PGPEP1L: variants seen among roughly 807,000 people sequenced by gnomAD.
The protein encoded by PGPEP1L is pyroglutamyl-peptidase 1-like protein.
A neutral mutation model predicts 6.0 loss-of-function variants in PGPEP1L; 7 were observed. The observed-to-expected ratio is 1.17, with a 90% CI of 0.66 to 2.19. PGPEP1L has a LOEUF of 2.19. Among genes scored for constraint, PGPEP1L ranks in the 30% most tolerant of loss-of-function variants. The pLI is 0.00. For missense variants in PGPEP1L, 209 were observed against 192.5 expected (o/e 1.09, Z -0.51); for synonymous variants, 103 against 83.9 (o/e 1.23, Z -1.24).
chr15:98,977,200 G>T (rs1006232545), intron 2 of PGPEP1L, among the ~76,000 whole-genome samples: 1 of 151,784 alleles, frequency 6.6e-6, no homozygotes, highest in African/African-American at 2.4e-5. Context: ...TTTGGGTTTT[G>T]GTTTGATTTC....
chr15:98,994,702 T>C (rs782532334), intron 2 of PGPEP1L, among the ~76,000 whole-genome samples: 2 of 152,236 alleles, frequency 1.3e-5, no homozygotes, highest in African/African-American at 2.4e-5. Flanking sequence ...CTTTCTCAGA[T>C]CATTTTCCTT....
intron 2 of PGPEP1L, among the ~76,000 whole-genome samples, chr15:99,000,666 T>A (rs782007640): frequency 1.1e-4 from 16 of 152,256 alleles, no homozygotes; most frequent in Non-Finnish European, 1.9e-4. Context: ...ATCCACACTC[T>A]GTATCTAACT....
intron 2 of PGPEP1L, among the ~76,000 whole-genome samples, chr15:98,998,377 A>G (rs1405511029): frequency 6.6e-6 from 1 of 152,154 alleles, no homozygotes; most frequent in Non-Finnish European, 1.5e-5. Flanking sequence ...CATGTGAGGC[A>G]TTGTTGGGGA....
rs183997957 is a variant in PGPEP1L at position 99,000,368 on chromosome 15, C to A, written c.-142+5061G>T. 1.6e-4 allele frequency among the ~76,000 whole-genome samples: 24 copies of A among 152,344 alleles called. No homozygotes were observed. The East Asian group carries it at 1.7e-3, about 11-fold the overall frequency. On this transcript the variant is annotated intron_variant, in intron 2 of 4. Transcript: ENST00000535714. ...CACGGCGCCCAGTCCCATCGACCAC[C>A]CCAAGGGCTGAGGAGTGCGGGCACA...
At chr15:98,974,386 A>T (rs546666496) in intron 2 of PGPEP1L, among the ~76,000 whole-genome samples, 1 of 151,648 alleles carries the variant, frequency 6.6e-6, no homozygotes, top group Non-Finnish European at 1.5e-5. Context: ...CTCAAAAAAA[A>T]ATAAAAATAA....
At chr15:98,970,626 T>G (rs1178364077) in intron 3 of PGPEP1L, among the ~76,000 whole-genome samples, 1 of 152,130 alleles carries the variant, frequency 6.6e-6, no homozygotes, top group East Asian at 1.9e-4. Flanking sequence ...GCTATGAAGA[T>G]GGGCCTCCCC....
Position 98,968,414 on chromosome 15 carries a change from G to T in PGPEP1L, c.*64C>A. ...GCAATTTTTGAAAAAGTTTCTCAATGCACAGTTGAGTGCTACATACAGGAT... is the reference window on the plus strand; with the variant it reads ...GCAATTTTTGAAAAAGTTTCTCAATTCACAGTTGAGTGCTACATACAGGAT... On this transcript the variant is annotated 3_prime_UTR_variant, in exon 5 of 5. Coordinates refer to ENST00000535714, the MANE Select transcript of PGPEP1L (RefSeq NM_001167902.2). The T allele has an allele frequency of 6.6e-7, 1 of 1,508,854 alleles. No individual in the cohort carries two copies. The highest frequency in any genetic ancestry group is 2.4e-5 in the East Asian group (1 of 42,242). The allele number at this position is 1,508,854 out of a possible 1,614,324, so 93.5% of individuals were successfully genotyped here. A position where few individuals can be genotyped will look rare whatever the true frequency, so the allele number is the denominator to read the frequency against.
At position 98,979,633 on chromosome 15, in the gene PGPEP1L, C is replaced by CTTTTTTTTTTTT. The variant is rs568793204; in HGVS notation, c.-141-8487_-141-8476dup. On this transcript the variant is annotated intron_variant, in intron 2 of 4. Transcript: ENST00000535714. ...AACCTGGATGGGATTGGAGACTATT[C>CTTTTTTTTTTTT]TTTTTTTTTTTTTTTTTTTTTTTTT... is the stretch of plus-strand genomic sequence containing the variant. Among the ~76,000 whole-genome samples the CTTTTTTTTTTTT allele has an allele frequency of 3.7e-4, 17 of 46,502 alleles. 2 individuals are homozygous for CTTTTTTTTTTTT. Among genetic ancestry groups the CTTTTTTTTTTTT allele is most frequent in the Non-Finnish European group, 5.2e-4 (11 of 21,264 alleles). The allele number at this position is 46,502 out of a possible 152,430, so 30.5% of individuals were successfully genotyped here.
At chr15:98,981,593 TATGA>T (rs1567237524) in intron 2 of PGPEP1L, among the ~76,000 whole-genome samples, 1 of 152,024 alleles carries the variant, frequency 6.6e-6, no homozygotes, top group Non-Finnish European at 1.5e-5. Context: ...CTCGAGGACT[TATGA>T]ATGTGGTGTT....
chr15:98,993,064 A>C lies in PGPEP1L; in HGVS notation c.-142+12365T>G, dbSNP rs1023816079. Among the ~76,000 whole-genome samples, 10 of 152,362 alleles carry C rather than the reference A, an allele frequency of 6.6e-5. No individual in the cohort carries two copies. In the East Asian group the frequency reaches 1.9e-3, roughly 29 times the overall value. ...GGCATGAGCAAAGACTTCATGACTA[A>C]AACACCAAAAGCAATGGCAACAAAA... On this transcript the variant is annotated intron_variant, in intron 2 of 4. Coordinates refer to ENST00000535714, the MANE Select transcript of PGPEP1L (RefSeq NM_001167902.2).
chr15:98,990,514 G>A (rs2663107), intron 2 of PGPEP1L, among the ~76,000 whole-genome samples: 137,970 of 152,122 alleles, frequency 0.91, 62,743 homozygotes, highest in South Asian at 0.95. Flanking sequence ...AATAATAGTG[G>A]GAGACTTTAA....
chr15:98,973,731 A>T (rs1235893133), intron 2 of PGPEP1L, among the ~76,000 whole-genome samples: 2 of 152,340 alleles, frequency 1.3e-5, no homozygotes, highest in Non-Finnish European at 2.9e-5. Flanking sequence ...GATTATAGCA[A>T]TAAATGCTTT....
intron 2 of PGPEP1L, among the ~76,000 whole-genome samples, chr15:98,974,111 T>G (rs1190646239): frequency 6.6e-6 from 1 of 152,154 alleles, no homozygotes; most frequent in Non-Finnish European, 1.5e-5. Context: ...CTGGGCACAG[T>G]GGCTCATGGC....
chr15:98,993,313 G>C (rs2017842904), intron 2 of PGPEP1L, among the ~76,000 whole-genome samples: 1 of 152,164 alleles, frequency 6.6e-6, no homozygotes, highest in African/African-American at 2.4e-5. Flanking sequence ...CTTCTCAAAA[G>C]ACGACATTTA....
rs568793204 is a variant in PGPEP1L at position 98,979,633 on chromosome 15, C to CTTT, written c.-141-8478_-141-8476dup. On this transcript the variant is annotated intron_variant, in intron 2 of 4. Transcript: ENST00000535714. ...AACCTGGATGGGATTGGAGACTATTCTTTTTTTTTTTTTTTTTTTTTTTTT... is the reference window on the plus strand; with the variant it reads ...AACCTGGATGGGATTGGAGACTATTCTTTTTTTTTTTTTTTTTTTTTTTTTTTT... Among the ~76,000 whole-genome samples, 90 of 46,496 alleles carry CTTT rather than the reference C, an allele frequency of 1.9e-3. 11 individuals carry two copies. The highest frequency in any genetic ancestry group is 5.1e-3 in the African/African-American group (85 of 16,688). 30.5% of individuals were successfully genotyped at this position (46,496 alleles called of 152,430 possible).
chr15:99,007,325 C>T (rs1193081909), intron 1 of PGPEP1L, 34 bp downstream of exon 1: 1 of 152,288 alleles, frequency 6.6e-6, no homozygotes, highest in African/African-American at 2.4e-5. Flanking sequence ...TCTACCTCCT[C>T]TGGTGAGCAG....
At chr15:98,982,733 C>T (rs564699117) in intron 2 of PGPEP1L, among the ~76,000 whole-genome samples, 185 of 66,230 alleles carry the variant, frequency 2.8e-3, no homozygotes, top group African/African-American at 7.2e-3. Context: ...TTTTTTGAGA[C>T]AGAGTCTTGC....
chr15:98,969,016 G>A (rs1449496385), intron 4 of PGPEP1L, among the ~76,000 whole-genome samples: 1 of 152,182 alleles, frequency 6.6e-6, no homozygotes. Context: ...CTGGGGAAAG[G>A]GGAAAAACCA....
chr15:98,978,996 G>A (rs1397361493), intron 2 of PGPEP1L, among the ~76,000 whole-genome samples: 3 of 151,230 alleles, frequency 2.0e-5, no homozygotes, highest in African/African-American at 4.9e-5. Context: ...CCAAACTGCC[G>A]GGATTACAGG....
Sources: gnomAD v4.1 joint callset for allele counts (sites outside exome capture counted in the v4.1 genomes callset) on GRCh38, gnomAD v4.1.1 for gene constraint, MANE v1.5 for transcripts, NCBI Gene and HGNC (gene_info 2026-07-23, HGNC 2026-07-21) for gene names.